Variants in MEIS1 observed in about 807,000 individuals in gnomAD.
MEIS1 encodes the protein homeobox protein Meis1.
MEIS1 carries 5 observed loss-of-function variants against 50.8 expected under a neutral mutation model. The observed-to-expected ratio is 0.10, with a 90% CI of 0.05 to 0.21. MEIS1 has a LOEUF of 0.21. Ranked by LOEUF, MEIS1 falls within the 10% of genes least tolerant of loss-of-function variation. The pLI, the probability that MEIS1 is intolerant of heterozygous loss-of-function variation, is 1.00. For synonymous variants in MEIS1, 176 were observed against 179.3 expected (o/e 0.98, Z 0.15); for missense variants, 318 against 517.3 (o/e 0.61, Z 3.74).
rs182095738 is a variant in MEIS1 at position 66,558,962 on chromosome 2, C to T, written c.966-8491C>T. Among the ~76,000 whole-genome samples the T allele has an allele frequency of 8.2e-3, 1,252 of 152,064 alleles. 24 individuals are homozygous for T. Among genetic ancestry groups the T allele is most frequent in the African/African-American group, 0.029 (1,183 of 41,466 alleles). ...TTTGAGACCAGCCTGGACAACATGG[C>T]GAAACCCTGTCTCTACTAAAAATAT... On this transcript the variant is annotated intron_variant, in intron 9 of 12. Transcript: ENST00000272369.
intron 8 of MEIS1, among the ~76,000 whole-genome samples, chr2:66,534,586 A>G (rs900320729): frequency 3.9e-5 from 6 of 152,118 alleles, no homozygotes; most frequent in Non-Finnish European, 8.8e-5. Context: ...CCATTTGTAA[A>G]TGTGTAACCA....
intron 6 of MEIS1, chr2:66,445,351 GGCC>G (rs1443142360): frequency 2.0e-5 from 3 of 152,346 alleles, no homozygotes; most frequent in Non-Finnish European, 4.4e-5. Flanking sequence ...ACAGTGCCAC[GGCC>G]GCCGGTGGGC....
At chr2:66,439,738 G>C in intron 2 of MEIS1, 105 bp from the exon 3 acceptor site, 1 of 1,595,084 alleles carries the variant, frequency 6.3e-7, no homozygotes, top group Non-Finnish European at 8.5e-7. Flanking sequence ...CAATCGGAGA[G>C]GGGGTCTGTT....
At chr2:66,563,520 G>A (rs1031542856) in intron 9 of MEIS1, among the ~76,000 whole-genome samples, 5 of 152,114 alleles carry the variant, frequency 3.3e-5, no homozygotes, top group African/African-American at 1.2e-4. Flanking sequence ...GTTCATTTAA[G>A]TTCACATCAT....
chr2:66,510,983 T>G (rs1235938854), intron 7 of MEIS1, among the ~76,000 whole-genome samples: 1 of 152,178 alleles, frequency 6.6e-6, no homozygotes, highest in Non-Finnish European at 1.5e-5. Context: ...CAGTGGCTTA[T>G]TTAACCCAGT....
At chr2:66,470,183 A>G (rs1374879248) in intron 7 of MEIS1, among the ~76,000 whole-genome samples, 2 of 152,170 alleles carry the variant, frequency 1.3e-5, no homozygotes, top group African/African-American at 4.8e-5. Context: ...GGAGGAGAGA[A>G]AAGTAAAATA....
intron 7 of MEIS1, among the ~76,000 whole-genome samples, chr2:66,471,301 T>A (rs1430492742): frequency 1.3e-5 from 2 of 152,254 alleles, no homozygotes; most frequent in Non-Finnish European, 2.9e-5. Context: ...GGATTTCTTA[T>A]CAAATTTTGA....
chr2:66,444,554 G>A (rs1278823887), intron 6 of MEIS1, among the ~76,000 whole-genome samples: 1 of 152,244 alleles, frequency 6.6e-6, no homozygotes, highest in Admixed American at 6.5e-5. Flanking sequence ...CTGGAGAGTT[G>A]GAAACTTTCG....
chr2:66,437,990 T>C, intron 2 of MEIS1, 27 bp downstream of exon 2: 1 of 1,526,950 alleles, frequency 6.5e-7, no homozygotes, highest in African/African-American at 1.4e-5. Flanking sequence ...GCAGGTTAAG[T>C]AGTTGAGACT....
chr2:66,461,985 T>C (rs1672531305), intron 6 of MEIS1: 6 of 423,738 alleles, frequency 1.4e-5, no homozygotes, highest in Non-Finnish European at 2.9e-5. Flanking sequence ...AAATTGAATT[T>C]ACTAAACAAT....
intron 8 of MEIS1, among the ~76,000 whole-genome samples, chr2:66,523,369 A>T (rs1674174368): frequency 6.6e-6 from 1 of 152,222 alleles, no homozygotes. Flanking sequence ...GCTTAGAAAC[A>T]TTCTCCTATA....
intron 6 of MEIS1, among the ~76,000 whole-genome samples, chr2:66,463,147 A>G (rs781515628): frequency 5.3e-5 from 8 of 151,854 alleles, no homozygotes; most frequent in Non-Finnish European, 8.8e-5. Flanking sequence ...CTACTACTAT[A>G]TAGTCATGAA....
Position 66,568,657 on chromosome 2 carries a change from A to G in MEIS1, c.1025-10A>G, listed in dbSNP as rs1675410554. ...CTGTTATTAAAAAACCACATTCTGTACTTTTGTAGTAAGTCAAGGAACACC... is the reference window on the plus strand; with the variant it reads ...CTGTTATTAAAAAACCACATTCTGTGCTTTTGTAGTAAGTCAAGGAACACC... On this transcript the variant is annotated splice_polypyrimidine_tract_variant and intron_variant, in intron 10 of 12. Coordinates refer to ENST00000272369, the MANE Select transcript of MEIS1 (RefSeq NM_002398.3). 1.2e-6 allele frequency: 2 copies of G among 1,608,368 alleles called. No individual in the cohort carries two copies. Among genetic ancestry groups the G allele is most frequent in the Non-Finnish European group, 8.5e-7 (1 of 1,174,906 alleles).
rs1362167085 is a variant in MEIS1, at chr2:66,571,412, G to A, written c.*204G>A. 6.2e-7 allele frequency: 1 copy of A among 1,606,612 alleles called. No individual in the cohort carries two copies. The highest frequency in any genetic ancestry group is 2.2e-5 in the East Asian group (1 of 44,636). ...CTGGACACCCTCACCACCCAACAGT[G>A]ATGATGCATGGAGGACCGCCCCACC... is the stretch of plus-strand genomic sequence containing the variant. On this transcript the variant is annotated 3_prime_UTR_variant, in exon 13 of 13. Coordinates refer to ENST00000272369, the MANE Select transcript of MEIS1 (RefSeq NM_002398.3).
intron 7 of MEIS1, among the ~76,000 whole-genome samples, chr2:66,465,824 G>T (rs2103748090): frequency 6.6e-6 from 1 of 152,222 alleles, no homozygotes; most frequent in African/African-American, 2.4e-5. Flanking sequence ...GATAGCAAAT[G>T]CCCAATACCA....
At position 66,554,377 on chromosome 2, in the gene MEIS1, C is replaced by T. The variant is rs962873399; in HGVS notation, c.965+6358C>T. 2.6e-5 allele frequency among the ~76,000 whole-genome samples: 4 copies of T among 152,088 alleles called. No homozygotes were observed. In the South Asian group the frequency reaches 8.3e-4, roughly 32 times the overall value. Reference sequence around the variant, plus strand: ...ACAACAGGCTGTGGGTCATGCAACCCGATGGGGCAGGACTTGACTCCCATT... The same window carrying T: ...ACAACAGGCTGTGGGTCATGCAACCTGATGGGGCAGGACTTGACTCCCATT... On this transcript the variant is annotated intron_variant, in intron 9 of 12. Transcript: ENST00000272369.
intron 7 of MEIS1, among the ~76,000 whole-genome samples, chr2:66,497,675 G>T (rs904070942): frequency 4.6e-5 from 7 of 152,170 alleles, no homozygotes; most frequent in Non-Finnish European, 7.3e-5. Context: ...CAGGAGATTT[G>T]CTTAAGCTTA....
intron 7 of MEIS1, among the ~76,000 whole-genome samples, chr2:66,496,893 T>C (rs970333392): frequency 5.9e-5 from 9 of 152,182 alleles, no homozygotes; most frequent in African/African-American, 1.9e-4. Flanking sequence ...TCTTGTGAAC[T>C]TTCTCTGGAT....
At chr2:66,533,192 C>T (rs982626868) in intron 8 of MEIS1, among the ~76,000 whole-genome samples, 8 of 152,164 alleles carry the variant, frequency 5.3e-5, no homozygotes, top group African/African-American at 7.2e-5. Flanking sequence ...TGGTGCTCGT[C>T]CCCTGCCAAG....
Sources: gnomAD v4.1 joint callset for allele counts (sites outside exome capture counted in the v4.1 genomes callset) on GRCh38, gnomAD v4.1.1 for gene constraint, MANE v1.5 for transcripts, NCBI Gene and HGNC (gene_info 2026-07-23, HGNC 2026-07-21) for gene names.